PRR13: variants seen among roughly 807,000 people sequenced by gnomAD.
The protein encoded by PRR13 is proline-rich protein 13.
A neutral mutation model predicts 11.5 loss-of-function variants in PRR13; 7 were observed. The observed-to-expected ratio is 0.61, with a 90% CI of 0.34 to 1.14. The LOEUF (loss-of-function observed/expected upper bound fraction) is 1.14, where lower values mean the gene tolerates loss of function less well. PRR13 is among the 50% of genes most tolerant of loss of function. The pLI is 0.03. For missense variants in PRR13, 155 were observed against 194.4 expected, an observed-to-expected ratio of 0.80 and a Z score of 1.21; for synonymous variants, 53 against 67.8, an observed-to-expected ratio of 0.78 and a Z score of 1.07.
chr12:53,445,795 T>C (rs1478734131), intron 3 of PRR13, among the ~76,000 whole-genome samples: 2 of 152,188 alleles, frequency 1.3e-5, no homozygotes. Context: ...TTAAATTCCG[T>C]GTGATAATTT....
At chr12:53,444,964 A>G (rs1383498259) in intron 3 of PRR13, among the ~76,000 whole-genome samples, 1 of 152,198 alleles carries the variant, frequency 6.6e-6, no homozygotes, top group Non-Finnish European at 1.5e-5. Context: ...GATTAAACCA[A>G]TCTGCATCTT....
In PRR13 at chr12:53,442,942, C is replaced by T. The variant is rs767410302; in HGVS notation, c.19+209C>T. 9.5e-4 allele frequency: 426 copies of T among 449,532 alleles called. 5 individuals carry two copies. Among genetic ancestry groups the T allele is most frequent in the East Asian group, 2.6e-4 (7 of 27,134 alleles). 27.8% of individuals were successfully genotyped at this position (449,532 alleles called of 1,614,324 possible). A position where few individuals can be genotyped will look rare whatever the true frequency, so the allele number is the denominator to read the frequency against. ...TGTTGCCCAGGCTCACTGCAACCTC[C>T]GCCTCCTGGGTTCAAGCGATTCTCC... is the stretch of plus-strand genomic sequence containing the variant. On this transcript the variant is annotated intron_variant, in intron 2 of 3. Coordinates refer to ENST00000429243, the MANE Select transcript of PRR13 (RefSeq NM_018457.4).
intron 2 of PRR13, chr12:53,443,069 C>T (rs923795234): frequency 5.5e-6 from 2 of 365,644 alleles, no homozygotes; most frequent in Non-Finnish European, 9.8e-6. Context: ...TTTGGCCAGG[C>T]TGGTCTCAAA....
At chr12:53,442,571 TGTG>T in intron 1 of PRR13, 121 bp from the exon 2 acceptor site, 3 of 795,988 alleles carry the variant, frequency 3.8e-6, no homozygotes, top group Non-Finnish European at 6.4e-6. Flanking sequence ...ATGTGGAAGT[TGTG>T]GTAGTTCTCC....
chr12:53,445,305 G>A (rs532156482), intron 3 of PRR13, among the ~76,000 whole-genome samples: 1 of 146,582 alleles, frequency 6.8e-6, no homozygotes, highest in East Asian at 2.0e-4. Flanking sequence ...CTAAGATCAT[G>A]CCATTGCACT....
At chr12:53,443,297 T>C (rs1171373176) in intron 2 of PRR13, 94 bp from the exon 3 acceptor site, 1 of 1,230,386 alleles carries the variant, frequency 8.1e-7, no homozygotes, top group Non-Finnish European at 1.1e-6. Flanking sequence ...CGTTTCCCTT[T>C]AAGTATTGAG....
intron 3 of PRR13, among the ~76,000 whole-genome samples, chr12:53,445,352 A>T (rs1279491809): frequency 2.3e-5 from 3 of 132,712 alleles, no homozygotes; most frequent in Non-Finnish European, 4.4e-5. Context: ...CGTCTAAAAA[A>T]AAAAAAAAAA....
intron 2 of PRR13, 59 bp from the exon 3 acceptor site, chr12:53,443,332 T>A: frequency 1.5e-6 from 2 of 1,304,346 alleles, no homozygotes; most frequent in Non-Finnish European, 2.0e-6. Flanking sequence ...TTTCTTTTTG[T>A]TGTTTGTTGT....
At position 53,443,419 on chromosome 12, in the gene PRR13, C is replaced by T. The variant is rs1249698759; in HGVS notation, c.48C>T (p.Pro16=). 3.5e-6 allele frequency: 5 copies of T among 1,423,586 alleles called. No individual in the cohort carries two copies. The Admixed American group carries it at 1.4e-4, about 41-fold the overall frequency. 88.2% of individuals were successfully genotyped at this position (1,423,586 alleles called of 1,614,324 possible). ...AGQPGPNPYP[P]NIGCPGGSNP... Reference sequence around the variant, plus strand: ...AGCCAGGGCCAAATCCATATCCCCCCAATATTGGGTGCCCTGGAGGTTCCA... The same window carrying T: ...AGCCAGGGCCAAATCCATATCCCCCTAATATTGGGTGCCCTGGAGGTTCCA... The change falls in exon 3 of 4, where the codon CCC becomes CCT. Residue 16 remains proline (P), a synonymous_variant. Transcript: ENST00000429243.
At chr12:53,441,825 C>T (rs1189392310) in intron 1 of PRR13, 33 bp downstream of exon 1, 4 of 702,212 alleles carry the variant, frequency 5.7e-6, no homozygotes, top group East Asian at 2.7e-5. Context: ...TAGGTTTTTC[C>T]TTTTCCCCTT....
Position 53,443,752 on chromosome 12 carries a change from C to G in PRR13, c.381C>G (p.His127Gln). ...AGATGCACAAGCACCAAAAGCACCA[C>G]AAGTACCACAAGCATGGCAAGGTCA... ...HKKMHKHQKH[H>Q]KYHKHGKHSS... is the part of the protein sequence containing the mutation. Residue 127 changes from histidine to glutamine, a missense_variant, in exon 3 of 4, where the codon CAC (histidine) becomes CAG (glutamine). His to Gln is a conservative substitution (Grantham distance 24, BLOSUM62 0). Transcript: ENST00000429243. 6.2e-7 allele frequency: 1 copy of G among 1,606,790 alleles called. No individual in the cohort carries two copies. Among genetic ancestry groups the G allele is most frequent in the Middle Eastern group, 1.7e-4 (1 of 6,048 alleles).
intron 3 of PRR13, among the ~76,000 whole-genome samples, chr12:53,445,337 A>G (rs529957118): frequency 8.4e-4 from 121 of 143,872 alleles, no homozygotes; most frequent in African/African-American, 3.2e-3. Context: ...AACTGGGTGA[A>G]ACTCCGTCTA....
In PRR13 at chr12:53,446,026, T is replaced by C. The variant is rs777110574; in HGVS notation, c.414T>C (p.Ser138=). 1 of 1,613,836 alleles carries C rather than the reference T, an allele frequency of 6.2e-7. No individual in the cohort carries two copies. Residue 138 remains serine (S), a synonymous_variant, in exon 4 of 4, where the codon TCT becomes TCC. Coordinates refer to ENST00000429243, the MANE Select transcript of PRR13 (RefSeq NM_018457.4). ...CTTTCCCCTTGCAGCATTCCTCCTC[T>C]TCCTCCTCCTCTTCCAGCAGTGATT... ...KYHKHGKHSS[S]SSSSSSSDSD is the part of the protein sequence containing the mutation.
chr12:53,444,156 T>C (rs1361736296), intron 3 of PRR13: 6 of 337,440 alleles, frequency 1.8e-5, no homozygotes, highest in African/African-American at 1.2e-4. Context: ...CAAGGTCTTA[T>C]AATAATTAAC....
intron 1 of PRR13, chr12:53,442,387 G>C: frequency 3.4e-6 from 1 of 292,794 alleles, no homozygotes; most frequent in Non-Finnish European, 6.5e-6. Context: ...TGGGATTACA[G>C]GTGCCCGCCA....
At chr12:53,442,801 T>C (rs1940320693) in intron 2 of PRR13, 68 bp downstream of exon 2, 4 of 1,526,208 alleles carry the variant, frequency 2.6e-6, no homozygotes, top group Admixed American at 1.7e-5. Flanking sequence ...AGGAAGTTTC[T>C]GTATCAGCTC....
rs1940306600 is a variant in PRR13, at chr12:53,442,277, C to T, written c.-20-418C>T. 1.4e-5 allele frequency: 3 copies of T among 217,020 alleles called. No individual in the cohort carries two copies. The Admixed American group carries it at 1.7e-4, about 12-fold the overall frequency. 13.4% of individuals were successfully genotyped at this position (217,020 alleles called of 1,614,324 possible). On this transcript the variant is annotated intron_variant, in intron 1 of 3. Coordinates refer to ENST00000429243, the MANE Select transcript of PRR13 (RefSeq NM_018457.4). ...CTTTTCTTTTTGAGACGGTGTCTTG[C>T]TCCGTCGCCCAGGCTAGAGTGCAGT...
In PRR13 at chr12:53,444,519, T is replaced by C. The variant is rs376242692; in HGVS notation, c.402+746T>C. 3.2e-3 allele frequency among the ~76,000 whole-genome samples: 494 copies of C among 152,216 alleles called. 2 individuals carry two copies. Among genetic ancestry groups the C allele is most frequent in the African/African-American group, 0.01 (418 of 41,540 alleles). On this transcript the variant is annotated intron_variant, in intron 3 of 3. Transcript: ENST00000429243. ...TAATTCTTTGTATTTTTAGTAGAGATGGGGTTTCACCGTGTTAGCCAAGAT... is the reference window on the plus strand; with the variant it reads ...TAATTCTTTGTATTTTTAGTAGAGACGGGGTTTCACCGTGTTAGCCAAGAT...
intron 1 of PRR13, chr12:53,442,020 A>C: frequency 3.4e-6 from 2 of 588,756 alleles, no homozygotes; most frequent in Non-Finnish European, 3.0e-6. Context: ...GGGAGAGAGA[A>C]AGTTGTTTGA....
Sources: gnomAD v4.1 joint callset for allele counts (sites outside exome capture counted in the v4.1 genomes callset) on GRCh38, gnomAD v4.1.1 for gene constraint, MANE v1.5 for transcripts, NCBI Gene and HGNC (gene_info 2026-07-23, HGNC 2026-07-21) for gene names.